RBFOX1: variants seen among roughly 807,000 people sequenced by gnomAD.
RBFOX1 encodes the protein RNA binding protein fox-1 homolog 1.
In RBFOX1, 8 loss-of-function variants were observed where a neutral mutation model predicts 57.7. The ratio of observed to expected loss-of-function variants is 0.14; its 90% CI spans 0.08 to 0.25. RBFOX1 has a LOEUF of 0.25. Ranked by LOEUF, RBFOX1 falls within the 10% of genes least tolerant of loss-of-function variation. The pLI, the probability that RBFOX1 is intolerant of heterozygous loss-of-function variation, is 1.00. For synonymous variants in RBFOX1, 326 were observed against 222.4 expected (o/e 1.47, Z -4.15); for missense variants, 611 against 548.5 (o/e 1.11, Z -1.14).
At chr16:7,334,237 G>T (rs2096744355) in intron 4 of RBFOX1, among the ~76,000 whole-genome samples, 1 of 152,072 alleles carries the variant, frequency 6.6e-6, no homozygotes, top group Admixed American at 6.6e-5. Flanking sequence ...TGGATTTATG[G>T]CCGTTCCTCT....
At chr16:7,382,892 C>T (rs2097802968) in intron 4 of RBFOX1, among the ~76,000 whole-genome samples, 1 of 152,186 alleles carries the variant, frequency 6.6e-6, no homozygotes, top group Non-Finnish European at 1.5e-5. Context: ...AAGCTGCCTA[C>T]ATCAAGTATG....
intron 1 of RBFOX1, among the ~76,000 whole-genome samples, chr16:5,331,665 T>C (rs2064760807): frequency 6.6e-6 from 1 of 152,274 alleles, no homozygotes; most frequent in Non-Finnish European, 1.5e-5. Flanking sequence ...ATCTCTTTAC[T>C]GAAGGAAACT....
intron 4 of RBFOX1, among the ~76,000 whole-genome samples, chr16:7,502,045 C>G (rs1317217941): frequency 1.3e-5 from 2 of 152,142 alleles, no homozygotes; most frequent in Non-Finnish European, 2.9e-5. Flanking sequence ...CTGGCAATCT[C>G]TCCTAATTTC....
chr16:6,884,331 G>C (rs2063539609), intron 3 of RBFOX1, among the ~76,000 whole-genome samples: 1 of 152,094 alleles, frequency 6.6e-6, no homozygotes, highest in Non-Finnish European at 1.5e-5. Context: ...CCAGGGCTGG[G>C]GACCTGGCAG....
At chr16:5,279,857 G>A (rs1468981953) in intron 1 of RBFOX1, among the ~76,000 whole-genome samples, 5 of 152,100 alleles carry the variant, frequency 3.3e-5, no homozygotes, top group African/African-American at 9.7e-5. Flanking sequence ...TTCTGTTTAC[G>A]AGTATAAGAT....
At chr16:5,694,869 G>A (rs923757112) in intron 3 of RBFOX1, among the ~76,000 whole-genome samples, 1 of 151,638 alleles carries the variant, frequency 6.6e-6, no homozygotes, top group Non-Finnish European at 1.5e-5. Context: ...ACAGATTTTG[G>A]AGAGACAATG....
At chr16:7,385,889 A>C (rs1056439694) in intron 4 of RBFOX1, among the ~76,000 whole-genome samples, 8 of 151,788 alleles carry the variant, frequency 5.3e-5, no homozygotes, top group Admixed American at 1.3e-4. Flanking sequence ...AGTAGGTGGG[A>C]TTACAGGCAC....
intron 4 of RBFOX1, among the ~76,000 whole-genome samples, chr16:7,424,959 C>T (rs555340531): frequency 6.6e-6 from 1 of 151,828 alleles, no homozygotes; most frequent in Admixed American, 6.6e-5. Flanking sequence ...AGTTTGAGCA[C>T]CAAGAAGAAT....
chr16:5,553,033 T>C (rs56926117), intron 2 of RBFOX1, among the ~76,000 whole-genome samples: 57,875 of 151,682 alleles, frequency 0.38, 11,322 homozygotes, highest in Non-Finnish European at 0.42. Context: ...GTCACAAGGA[T>C]AGAAAACAAA....
intron 2 of RBFOX1, among the ~76,000 whole-genome samples, chr16:5,525,104 T>A (rs550362399): frequency 3.9e-5 from 6 of 152,268 alleles, no homozygotes; most frequent in African/African-American, 1.4e-4. Context: ...CTAATGCAGG[T>A]CTCCTCAGTA....
intron 2 of RBFOX1, among the ~76,000 whole-genome samples, chr16:6,639,771 C>T (rs1325218024): frequency 1.3e-5 from 2 of 151,876 alleles, no homozygotes; most frequent in South Asian, 2.1e-4. Context: ...CCCAGCTACT[C>T]GGGAGGCTGA....
chr16:7,088,701 A>G (rs2060355111), intron 4 of RBFOX1, among the ~76,000 whole-genome samples: 1 of 152,196 alleles, frequency 6.6e-6, no homozygotes, highest in Non-Finnish European at 1.5e-5. Flanking sequence ...ACAAATATAT[A>G]TCCTAGTGTA....
At chr16:6,091,082 A>G (rs1318049085) in intron 1 of RBFOX1, among the ~76,000 whole-genome samples, 4 of 152,142 alleles carry the variant, frequency 2.6e-5, no homozygotes, top group Non-Finnish European at 5.9e-5. Flanking sequence ...TTTTCTAGCT[A>G]TTCTTAAATA....
intron 4 of RBFOX1, among the ~76,000 whole-genome samples, chr16:7,517,623 C>G (rs2076657083): frequency 2.0e-5 from 3 of 151,916 alleles, no homozygotes; most frequent in Admixed American, 6.6e-5. Context: ...AGGATACTCC[C>G]TATTCCCATT....
intron 4 of RBFOX1, among the ~76,000 whole-genome samples, chr16:7,320,877 G>A (rs764018336): frequency 4.6e-5 from 7 of 152,176 alleles, no homozygotes; most frequent in Non-Finnish European, 1.0e-4. Flanking sequence ...GGAATTAATT[G>A]AGGTTCAGAA....
intron 2 of RBFOX1, among the ~76,000 whole-genome samples, chr16:6,359,788 C>T (rs908050543): frequency 4.6e-5 from 7 of 152,106 alleles, no homozygotes; most frequent in East Asian, 1.9e-4. Flanking sequence ...ACTGTGTTTG[C>T]GACCTGGCAT....
At chr16:5,240,852 CA>C (rs2062148389) in intron 1 of RBFOX1, among the ~76,000 whole-genome samples, 1 of 152,158 alleles carries the variant, frequency 6.6e-6, no homozygotes, top group Admixed American at 6.5e-5. Context: ...TTTCCTACCC[CA>C]ACTCTTCCTG....
chr16:7,524,365 T>C (rs1440659960), intron 5 of RBFOX1, among the ~76,000 whole-genome samples: 1 of 152,216 alleles, frequency 6.6e-6, no homozygotes, highest in Admixed American at 6.5e-5. Context: ...GATGAGTCCC[T>C]GCAGGCCTTT....
chr16:7,710,844 TA>T lies in RBFOX1; in HGVS notation c.*113del, dbSNP rs5815427. The T allele has an allele frequency of 0.018, 14,769 of 815,980 alleles. 83 individuals are homozygous for T. The highest frequency in any genetic ancestry group is 0.11 in the East Asian group (3,174 of 27,850). The allele number at this position is 815,980 out of a possible 1,614,324, so 50.5% of individuals were successfully genotyped here. ...CAGTAGTACATCATTTTAGCAACTC[TA>T]AAAAAAAAAAAAATACAAATAAAAA... is the stretch of plus-strand genomic sequence containing the variant. On this transcript the variant is annotated 3_prime_UTR_variant, in exon 16 of 16. Coordinates refer to ENST00000550418, the MANE Select transcript of RBFOX1 (RefSeq NM_018723.4).
Sources: allele counts gnomAD v4.1 joint callset (sites outside exome capture counted in the v4.1 genomes callset), GRCh38; gene constraint gnomAD v4.1.1; transcripts MANE v1.5; gene names NCBI Gene and HGNC (gene_info 2026-07-23, HGNC 2026-07-21).